Variants in STX3 observed in about 807,000 individuals in gnomAD.
STX3 encodes syntaxin 3.
A neutral mutation model predicts 40.2 loss-of-function variants in STX3; 19 were observed. The observed-to-expected ratio is 0.47, with a 90% CI of 0.33 to 0.69. STX3 has a LOEUF of 0.69. Ranked by LOEUF, STX3 falls within the 30% of genes least tolerant of loss-of-function variation. The probability of loss-of-function intolerance (pLI) is 0.02; values close to 1 mark genes in which losing one functional copy is unlikely to be tolerated. For synonymous variants in STX3, 122 were observed against 132.2 expected, an observed-to-expected ratio of 0.92 and a Z score of 0.53; for missense variants, 364 against 366.7, an observed-to-expected ratio of 0.99 and a Z score of 0.06.
intron 2 of STX3, among the ~76,000 whole-genome samples, chr11:59,777,987 A>G (rs1864085277): frequency 1.3e-5 from 2 of 152,192 alleles, no homozygotes. Flanking sequence ...GGAAAAGCTC[A>G]GCAGAGACTG....
At chr11:59,760,216 A>G (rs1339824663) in intron 1 of STX3, among the ~76,000 whole-genome samples, 1 of 152,144 alleles carries the variant, frequency 6.6e-6, no homozygotes, top group African/African-American at 2.4e-5. Context: ...AATTGGCAGG[A>G]GCTAAGGGAG....
rs1322751407 is a variant in STX3 at position 59,755,567 on chromosome 11, T to A, written c.-39T>A. ...AGCGCTCACCTGGGACGCGCTCACCTGGGACGCGCTACCTGCCTCCGGGCG... is the reference window on the plus strand; with the variant it reads ...AGCGCTCACCTGGGACGCGCTCACCAGGGACGCGCTACCTGCCTCCGGGCG... On this transcript the variant is annotated 5_prime_UTR_variant, in exon 1 of 11. Transcript: ENST00000337979. The A allele has an allele frequency of 6.3e-7, 1 of 1,591,110 alleles. No individual in the cohort carries two copies. Among genetic ancestry groups the A allele is most frequent in the South Asian group, 1.1e-5 (1 of 90,778 alleles).
At chr11:59,795,740 C>T (rs867530042) in intron 9 of STX3, 27 of 1,524,966 alleles carry the variant, frequency 1.8e-5, no homozygotes, top group Middle Eastern at 1.7e-4. Flanking sequence ...AACTGTCCTT[C>T]GTCTCAGCTG....
At chr11:59,775,116 G>A (rs1346608597) in intron 2 of STX3, among the ~76,000 whole-genome samples, 1 of 152,206 alleles carries the variant, frequency 6.6e-6, no homozygotes, top group Non-Finnish European at 1.5e-5. Context: ...AAGGAATGGA[G>A]TGGGGCATGA....
chr11:59,789,587 T>G (rs1312813896), intron 4 of STX3, among the ~76,000 whole-genome samples: 2 of 152,086 alleles, frequency 1.3e-5, no homozygotes, highest in African/African-American at 4.8e-5. Context: ...ATTACAGGCA[T>G]GCACCACCAC....
rs1462897376 is a variant in STX3, at chr11:59,801,715, A to C, written c.*891A>C. The C allele has an allele frequency of 1.0e-6, 1 of 985,732 alleles. No individual in the cohort carries two copies. Among genetic ancestry groups the C allele is most frequent in the African/African-American group, 1.7e-5 (1 of 57,230 alleles). The allele number at this position is 985,732 out of a possible 1,614,324, so 61.1% of individuals were successfully genotyped here. ...TGGAAATATTTCATGACACTGGTGT[A>C]TTCACTCATGTGTTCCAGATGTATT... On this transcript the variant is annotated 3_prime_UTR_variant, in exon 11 of 11. Coordinates refer to ENST00000337979, the MANE Select transcript of STX3 (RefSeq NM_004177.5).
rs535967858 is a variant in STX3 at position 59,787,790 on chromosome 11, C to CA, written c.214+661dup. Among the ~76,000 whole-genome samples the CA allele has an allele frequency of 1.1e-4, 16 of 152,242 alleles. No individual in the cohort carries two copies. In the South Asian group the frequency reaches 3.3e-3, roughly 32 times the overall value. On this transcript the variant is annotated intron_variant, in intron 3 of 10. Transcript: ENST00000337979. ...CCTGATATCTGCCACTACAGATAAG[C>CA]AAAAAAATCCGTGCGTTCCACGGTT...
chr11:59,803,326 A>T lies in STX3; in HGVS notation c.*2502A>T, dbSNP rs76227275. The T allele has an allele frequency of 0.044, 54,109 of 1,221,144 alleles. 1,392 individuals carry two copies. Among genetic ancestry groups the T allele is most frequent in the African/African-American group, 0.072 (4,625 of 64,246 alleles). The allele number at this position is 1,221,144 out of a possible 1,614,324, so 75.6% of individuals were successfully genotyped here. The stretch of plus-strand genomic sequence containing the variant: ...GTGAGCCATCTGTGGGGAGGGTCAG[A>T]CCTTCTTTCACTGACTTGAAACCTT... On this transcript the variant is annotated 3_prime_UTR_variant, in exon 11 of 11. Transcript: ENST00000337979.
intron 1 of STX3, among the ~76,000 whole-genome samples, chr11:59,756,846 C>G (rs1345200785): frequency 2.0e-5 from 3 of 152,208 alleles, no homozygotes; most frequent in Non-Finnish European, 2.9e-5. Flanking sequence ...GTGAAATATG[C>G]TAATAACTGT....
rs1862660115 is a variant in STX3 at position 59,755,555 on chromosome 11, G to C, written c.-51G>C. 2.5e-6 allele frequency: 4 copies of C among 1,579,762 alleles called. No homozygotes were observed. Among genetic ancestry groups the C allele is most frequent in the East Asian group, 4.7e-5 (2 of 42,898 alleles). ...GCTCACCTGGGAAGCGCTCACCTGG[G>C]ACGCGCTCACCTGGGACGCGCTACC... On this transcript the variant is annotated 5_prime_UTR_variant, in exon 1 of 11. Coordinates refer to ENST00000337979, the MANE Select transcript of STX3 (RefSeq NM_004177.5).
intron 2 of STX3, among the ~76,000 whole-genome samples, chr11:59,778,505 G>A (rs564705257): frequency 6.6e-6 from 1 of 152,286 alleles, no homozygotes; most frequent in South Asian, 2.1e-4. Context: ...GGCTGGCAAT[G>A]CCACTACCCA....
At chr11:59,800,784 G>A in intron 10 of STX3, 71 bp from the exon 11 acceptor site, 1 of 1,534,144 alleles carries the variant, frequency 6.5e-7, no homozygotes, top group Non-Finnish European at 8.7e-7. Flanking sequence ...CCAGGTTTGT[G>A]GCTGACTCCT....
chr11:59,801,054 T>G lies in STX3; in HGVS notation c.*230T>G. The G allele has an allele frequency of 6.8e-7, 1 of 1,467,142 alleles. No homozygotes were observed. The highest frequency in any genetic ancestry group is 9.0e-7 in the Non-Finnish European group (1 of 1,112,064). 90.9% of individuals were successfully genotyped at this position (1,467,142 alleles called of 1,614,324 possible). A position where few individuals can be genotyped will look rare whatever the true frequency, so the allele number is the denominator to read the frequency against. Reference sequence around the variant, plus strand: ...CTGAGTTCTCCCCAGAGCCTCCTCCTGCCCCACCAGCTCTCAAGTACCTTT... The same window carrying G: ...CTGAGTTCTCCCCAGAGCCTCCTCCGGCCCCACCAGCTCTCAAGTACCTTT... On this transcript the variant is annotated 3_prime_UTR_variant, in exon 11 of 11. Coordinates refer to ENST00000337979, the MANE Select transcript of STX3 (RefSeq NM_004177.5).
At chr11:59,791,086 A>G (rs888587667) in intron 5 of STX3, among the ~76,000 whole-genome samples, 1 of 152,158 alleles carries the variant, frequency 6.6e-6, no homozygotes, top group Admixed American at 6.5e-5. Flanking sequence ...AAAAGATCTC[A>G]GGAAGAATGG....
chr11:59,773,202 C>G lies in STX3; in HGVS notation c.31-9C>G. 3.1e-6 allele frequency: 5 copies of G among 1,611,986 alleles called. No individual in the cohort carries two copies. Among genetic ancestry groups the G allele is most frequent in the Non-Finnish European group, 4.2e-6 (5 of 1,179,248 alleles). ...TTAGCCTCACTCTGCTCTTTTTTGCCTTTTGCAGAAGCAGCTGACACAGGA... is the reference window on the plus strand; with the variant it reads ...TTAGCCTCACTCTGCTCTTTTTTGCGTTTTGCAGAAGCAGCTGACACAGGA... On this transcript the variant is annotated splice_polypyrimidine_tract_variant and intron_variant, in intron 1 of 10. Coordinates refer to ENST00000337979, the MANE Select transcript of STX3 (RefSeq NM_004177.5).
chr11:59,759,293 C>T (rs375081659), intron 1 of STX3, among the ~76,000 whole-genome samples: 45 of 152,270 alleles, frequency 3.0e-4, no homozygotes, highest in East Asian at 1.2e-3. Context: ...TAATCACTCT[C>T]GCATTGGTGT....
At chr11:59,764,883 CTATTAT>C (rs71454394) in intron 1 of STX3, among the ~76,000 whole-genome samples, 11,360 of 145,100 alleles carry the variant, frequency 0.078, 605 homozygotes, top group African/African-American at 0.15. Context: ...CACACATTAT[CTATTAT>C]TATTATTATT....
intron 2 of STX3, among the ~76,000 whole-genome samples, chr11:59,774,488 G>A (rs1163985163): frequency 6.7e-6 from 1 of 149,500 alleles, no homozygotes; most frequent in African/African-American, 2.5e-5. Context: ...GTTTAGGTAA[G>A]AAAAGAAAAA....
In STX3 at chr11:59,802,694, A is replaced by G. The variant is rs187655236; in HGVS notation, c.*1870A>G. On this transcript the variant is annotated 3_prime_UTR_variant, in exon 11 of 11. Coordinates refer to ENST00000337979, the MANE Select transcript of STX3 (RefSeq NM_004177.5). ...AATTTAAAAATAAAAATGACTTTGT[A>G]TTGATTGTGAAACGGTTCTGGCTCT... 3.5e-4 allele frequency: 344 copies of G among 985,810 alleles called. No individual in the cohort carries two copies. Among genetic ancestry groups the G allele is most frequent in the Non-Finnish European group, 4.1e-4 (337 of 829,882 alleles). The allele number at this position is 985,810 out of a possible 1,614,324, so 61.1% of individuals were successfully genotyped here.
Sources: gnomAD v4.1 joint callset for allele counts (sites outside exome capture counted in the v4.1 genomes callset) on GRCh38, gnomAD v4.1.1 for gene constraint, MANE v1.5 for transcripts, NCBI Gene and HGNC (gene_info 2026-07-23, HGNC 2026-07-21) for gene names.